GRAMD2B: variants seen among roughly 807,000 people sequenced by gnomAD.
The protein encoded by GRAMD2B is GRAM domain containing 2B.
GRAMD2B carries 41 observed loss-of-function variants against 59.2 expected under a neutral mutation model. That is an observed-to-expected ratio of 0.69 (90% confidence interval 0.54 to 0.90). GRAMD2B has a LOEUF of 0.90. Among genes scored for constraint, GRAMD2B ranks in the 40% least tolerant of loss-of-function variants. The probability of loss-of-function intolerance (pLI) is 0.00; values close to 1 mark genes in which losing one functional copy is unlikely to be tolerated. For missense variants in GRAMD2B, 424 were observed against 500.5 expected (o/e 0.85, Z 1.46); for synonymous variants, 161 against 182.7 (o/e 0.88, Z 0.96).
intron 1 of GRAMD2B, among the ~76,000 whole-genome samples, chr5:126,389,736 T>A (rs1359525480): frequency 6.6e-6 from 1 of 152,128 alleles, no homozygotes; most frequent in Non-Finnish European, 1.5e-5. Context: ...TCACCTGAAG[T>A]CAGGAGTTCA....
At chr5:126,423,257 A>G (rs866199111), upstream of GRAMD2B, 1 of 1,117,528 alleles carries the variant, frequency 8.9e-7, no homozygotes, top group Non-Finnish European at 1.1e-6. Flanking sequence ...CAAATGTTCC[A>G]CCTGCTTGGC....
At chr5:126,463,571 G>A (rs1450566595) in intron 1 of GRAMD2B, among the ~76,000 whole-genome samples, 1 of 152,136 alleles carries the variant, frequency 6.6e-6, no homozygotes, top group African/African-American at 2.4e-5. Context: ...ATGTACCTTT[G>A]TCACATAATG....
At chr5:126,378,607 C>T (rs547203166) in intron 1 of GRAMD2B, among the ~76,000 whole-genome samples, 72 of 152,124 alleles carry the variant, frequency 4.7e-4, no homozygotes, top group Non-Finnish European at 3.2e-4. Context: ...TTTTTCTATT[C>T]GTAGAACTTG....
upstream of GRAMD2B, among the ~76,000 whole-genome samples, chr5:126,367,962 A>T (rs916585704): frequency 1.3e-5 from 2 of 152,112 alleles, no homozygotes; most frequent in Non-Finnish European, 2.9e-5. Flanking sequence ...CGTGTTAGCC[A>T]AGATGGTTTC....
intron 1 of GRAMD2B, among the ~76,000 whole-genome samples, chr5:126,374,346 C>A (rs976738688): frequency 6.6e-6 from 1 of 151,998 alleles, no homozygotes; most frequent in African/African-American, 2.4e-5. Flanking sequence ...GTTTAGTGGT[C>A]TTTTTTTGTT....
At chr5:126,401,468 A>G (rs1757828922) in intron 1 of GRAMD2B, among the ~76,000 whole-genome samples, 1 of 152,046 alleles carries the variant, frequency 6.6e-6, no homozygotes, top group African/African-American at 2.4e-5. Context: ...AGTTACTGGA[A>G]TATTACTGTG....
At chr5:126,448,320 G>A (rs1405453509) in intron 1 of GRAMD2B, among the ~76,000 whole-genome samples, 1 of 152,078 alleles carries the variant, frequency 6.6e-6, no homozygotes, top group Non-Finnish European at 1.5e-5. Context: ...GCTAAATCTT[G>A]AAAGATAAAC....
intron 9 of GRAMD2B, among the ~76,000 whole-genome samples, chr5:126,484,107 C>T (rs893269083): frequency 6.6e-6 from 1 of 152,188 alleles, no homozygotes; most frequent in Non-Finnish European, 1.5e-5. Flanking sequence ...GGATTACAGG[C>T]GTGAGCCACC....
exon 1 of GRAMD2B, chr5:126,371,514 C>A (rs1174110346): frequency 8.5e-6 from 11 of 1,289,150 alleles, no homozygotes; most frequent in Non-Finnish European, 1.1e-5. Flanking sequence ...CAAGGAAGGC[C>A]AACGTGGAGG....
chr5:126,403,613 A>C (rs934913117), intron 1 of GRAMD2B, among the ~76,000 whole-genome samples: 1 of 151,942 alleles, frequency 6.6e-6, no homozygotes, highest in Non-Finnish European at 1.5e-5. Context: ...GGGGGAAAAA[A>C]TTTTAACAGT....
At chr5:126,360,880 A>G (rs1035846210) in intron 1 of GRAMD2B, among the ~76,000 whole-genome samples, 3 of 152,106 alleles carry the variant, frequency 2.0e-5, no homozygotes, top group African/African-American at 7.2e-5. Flanking sequence ...GGATTATAAG[A>G]TATTTGCATG....
At chr5:126,431,390 AG>A (rs1561511853) in intron 1 of GRAMD2B, among the ~76,000 whole-genome samples, 1 of 152,238 alleles carries the variant, frequency 6.6e-6, no homozygotes, top group African/African-American at 2.4e-5. Context: ...ATGAATTCAT[AG>A]TTTTAACAGT....
At chr5:126,479,527 A>G (rs1023939694) in intron 6 of GRAMD2B, among the ~76,000 whole-genome samples, 5 of 152,090 alleles carry the variant, frequency 3.3e-5, no homozygotes, top group Non-Finnish European at 7.4e-5. Context: ...CTTTTTTTAT[A>G]TTTTCTTGCT....
chr5:126,408,008 C>T (rs944369484), intron 1 of GRAMD2B, among the ~76,000 whole-genome samples: 3 of 151,850 alleles, frequency 2.0e-5, no homozygotes, highest in Non-Finnish European at 2.9e-5. Context: ...GTTACCTGCA[C>T]ATTGCCTGAT....
At chr5:126,481,693 C>T (rs1209641130) in intron 8 of GRAMD2B, among the ~76,000 whole-genome samples, 4 of 152,054 alleles carry the variant, frequency 2.6e-5, no homozygotes, top group African/African-American at 9.7e-5. Context: ...AAGGGCCAGG[C>T]GCAGTGGCTC....
intron 1 of GRAMD2B, among the ~76,000 whole-genome samples, chr5:126,460,249 G>C (rs1767094208): frequency 6.6e-6 from 1 of 152,216 alleles, no homozygotes; most frequent in African/African-American, 2.4e-5. Flanking sequence ...GCTGGGAAGA[G>C]TAGGTGCCTT....
chr5:126,370,920 C>T (rs1287338443), upstream of GRAMD2B, among the ~76,000 whole-genome samples: 1 of 152,196 alleles, frequency 6.6e-6, no homozygotes, highest in Non-Finnish European at 1.5e-5. Context: ...CCAAGGAATG[C>T]AGCCTTAAAA....
chr5:126,460,628 C>T (rs1227857240), intron 1 of GRAMD2B, among the ~76,000 whole-genome samples: 2 of 152,314 alleles, frequency 1.3e-5, no homozygotes, highest in East Asian at 3.9e-4. Flanking sequence ...GTCCAGCCCT[C>T]TTCCATCTCT....
intron 1 of GRAMD2B, among the ~76,000 whole-genome samples, chr5:126,394,070 C>T (rs572946011): frequency 4.9e-4 from 75 of 152,134 alleles, no homozygotes; most frequent in Non-Finnish European, 5.9e-4. Context: ...GTGAGGAGAT[C>T]GAGACCATCC....
Sources: gnomAD v4.1 joint callset for allele counts (sites outside exome capture counted in the v4.1 genomes callset) on GRCh38, gnomAD v4.1.1 for gene constraint, MANE v1.5 for transcripts, NCBI Gene and HGNC (gene_info 2026-07-23, HGNC 2026-07-21) for gene names.